Variants in RAB3IL1 observed in about 807,000 individuals in gnomAD.
RAB3IL1 encodes the protein guanine nucleotide exchange factor for Rab-3A.
A neutral mutation model predicts 49.2 loss-of-function variants in RAB3IL1; 37 were observed. That is an observed-to-expected ratio of 0.75 (90% CI 0.58 to 0.99). The LOEUF (loss-of-function observed/expected upper bound fraction) is 0.99, where lower values mean the gene tolerates loss of function less well. Among genes scored for constraint, RAB3IL1 ranks in the 50% least tolerant of loss-of-function variants. The probability of loss-of-function intolerance (pLI) is 0.00; values close to 1 mark genes in which losing one functional copy is unlikely to be tolerated. For synonymous variants in RAB3IL1, 193 were observed against 213.9 expected (o/e 0.90, Z 0.85); for missense variants, 484 against 513.0 (o/e 0.94, Z 0.55).
At chr11:61,911,728 T>G (rs1939461287) in intron 1 of RAB3IL1, among the ~76,000 whole-genome samples, 1 of 151,402 alleles carries the variant, frequency 6.6e-6, no homozygotes, top group South Asian at 2.1e-4. Context: ...AGGGTAGGAG[T>G]CAAGGTCAGA....
At chr11:61,903,185 G>A (rs571735285) in intron 7 of RAB3IL1, among the ~76,000 whole-genome samples, 6 of 151,910 alleles carry the variant, frequency 3.9e-5, no homozygotes, top group East Asian at 1.9e-4. Flanking sequence ...TCATCTGCTC[G>A]GCTCTCTCCT....
At chr11:61,934,450 G>GTGTATGTATGTGTATATA in the RAB3IL1 span, among the ~76,000 whole-genome samples, 2 of 31,614 alleles carry the variant, frequency 6.3e-5, no homozygotes, top group Non-Finnish European at 1.4e-4. Flanking sequence ...GTGTGTGTAT[G>GTGTATGTATGTGTATATA]TATATATATA....
upstream of RAB3IL1, among the ~76,000 whole-genome samples, chr11:61,918,672 G>A (rs188423819): frequency 4.2e-3 from 636 of 152,328 alleles, 2 homozygotes; most frequent in Non-Finnish European, 5.0e-3. Context: ...AGACCTCCAC[G>A]TCCAGGGCAC....
chr11:61,902,480 T>C lies in RAB3IL1; in HGVS notation c.961A>G (p.Lys321Glu). 2 of 1,602,846 alleles carry C rather than the reference T, an allele frequency of 1.2e-6. No homozygotes were observed. Among genetic ancestry groups the C allele is most frequent in the East Asian group, 4.5e-5 (2 of 44,388 alleles). The change falls in exon 8 of 10, where the codon AAA becomes GAA. Residue 321 changes from lysine (K) to glutamate (E), a missense_variant. Lys to Glu is a moderately conservative substitution (Grantham distance 56, BLOSUM62 1). Coordinates refer to ENST00000394836, the MANE Select transcript of RAB3IL1 (RefSeq NM_013401.4). ...GATGGCGAGATGTAGTAATGGCTTT[T>C]GGAGTCCCCGAGCCGGATTCGGTGG... ...CRHRIRLGDS[K>E]SHYYISPSSR...
In RAB3IL1 at chr11:61,902,499, T is replaced by C; in HGVS notation, c.942A>G (p.Arg314=). 6.2e-7 allele frequency: 1 copy of C among 1,605,100 alleles called. No individual in the cohort carries two copies. Among genetic ancestry groups the C allele is most frequent in the Middle Eastern group, 1.7e-4 (1 of 6,052 alleles). The change falls in exon 8 of 10, where the codon CGA becomes CGG. Residue 314 remains arginine (R), a synonymous_variant. Transcript: ENST00000394836. The stretch of plus-strand genomic sequence containing the variant: ...GGCTTTTGGAGTCCCCGAGCCGGAT[T>C]CGGTGGCGGCAGGTGCGGGTCAGCC... The part of the protein sequence containing the change: ...LSGLTRTCRH[R]IRLGDSKSHY...
At position 61,899,382 on chromosome 11, in the gene RAB3IL1, T is replaced by C. The variant is rs146288841; in HGVS notation, c.1000-2A>G. 2 of 1,608,720 alleles carry C rather than the reference T, an allele frequency of 1.2e-6. No individual in the cohort carries two copies. The highest frequency in any genetic ancestry group is 1.7e-6 in the Non-Finnish European group (2 of 1,179,506). On this transcript the variant is annotated splice_acceptor_variant, in intron 8 of 9. Coordinates refer to ENST00000394836, the MANE Select transcript of RAB3IL1 (RefSeq NM_013401.4). LOFTEE classifies it high-confidence loss of function. ...GAAGAAGTTGCACACTGCGGTGATC[T>C]GTGGGCAGAGGTGGGGACGGTGTGA...
At chr11:61,943,705 C>T in the RAB3IL1 span, among the ~76,000 whole-genome samples, 1 of 152,122 alleles carries the variant, frequency 6.6e-6, no homozygotes, top group South Asian at 2.1e-4. Flanking sequence ...CCAATAAGCA[C>T]ATGAGAAGAT....
At chr11:61,905,010 C>G in intron 5 of RAB3IL1, 128 bp from the exon 6 acceptor site, 1 of 703,136 alleles carries the variant, frequency 1.4e-6, no homozygotes, top group Non-Finnish European at 2.4e-6. Flanking sequence ...GGTCGATCCC[C>G]AGCAGCCGTG....
intron 7 of RAB3IL1, among the ~76,000 whole-genome samples, chr11:61,903,200 A>C (rs1591219633): frequency 6.7e-6 from 1 of 150,324 alleles, no homozygotes; most frequent in African/African-American, 2.5e-5. Flanking sequence ...TCTCCTCCTC[A>C]CCCTCTGCTT....
chr11:61,900,897 G>A (rs768803740), intron 8 of RAB3IL1, among the ~76,000 whole-genome samples: 14 of 152,098 alleles, frequency 9.2e-5, no homozygotes, highest in Non-Finnish European at 1.3e-4. Flanking sequence ...CCTGGAAAGC[G>A]GTGATGGAGA....
In RAB3IL1 at chr11:61,904,569, G is replaced by A. The variant is rs943488982; in HGVS notation, c.876C>T (p.Ala292=). The A allele has an allele frequency of 2.6e-5, 42 of 1,612,396 alleles. No homozygotes were observed. The highest frequency in any genetic ancestry group is 2.2e-5 in the Non-Finnish European group (26 of 1,179,454). ...ASQTLPTVKV[A]EVDCSSTNTC... ...ACTTGGTGCTGCTACAGTCAACCTCGGCCACCTTCACTGTGGGCAGCGTCT... is the reference window on the plus strand; with the variant it reads ...ACTTGGTGCTGCTACAGTCAACCTCAGCCACCTTCACTGTGGGCAGCGTCT... The change falls in exon 7 of 10, where the codon GCC becomes GCT. Residue 292 remains alanine, a synonymous_variant. Coordinates refer to ENST00000394836, the MANE Select transcript of RAB3IL1 (RefSeq NM_013401.4).
the RAB3IL1 span, among the ~76,000 whole-genome samples, chr11:61,936,602 A>G: frequency 6.6e-6 from 1 of 152,230 alleles, no homozygotes; most frequent in Non-Finnish European, 1.5e-5. Flanking sequence ...TCGACCTCCC[A>G]AAGTGCTGGG....
chr11:61,903,428 TC>T (rs1939019778), intron 7 of RAB3IL1, among the ~76,000 whole-genome samples: 1 of 152,112 alleles, frequency 6.6e-6, no homozygotes, highest in Non-Finnish European at 1.5e-5. Context: ...TTTAAAAAGC[TC>T]CTTGGCTGCG....
the RAB3IL1 span, among the ~76,000 whole-genome samples, chr11:61,945,146 G>A: frequency 2.0e-5 from 3 of 152,202 alleles, no homozygotes; most frequent in South Asian, 6.2e-4. Flanking sequence ...ACAGATAGGG[G>A]CCAATGTGGC....
chr11:61,944,737 A>C, the RAB3IL1 span, among the ~76,000 whole-genome samples: 1 of 152,188 alleles, frequency 6.6e-6, no homozygotes, highest in Non-Finnish European at 1.5e-5. Context: ...GCTCTTGTCA[A>C]CCAGGCTGGA....
chr11:61,905,986 G>A (rs1157154273), intron 5 of RAB3IL1, among the ~76,000 whole-genome samples: 3 of 152,184 alleles, frequency 2.0e-5, no homozygotes, highest in Non-Finnish European at 2.9e-5. Context: ...CAAAGGCCAC[G>A]CTTGTCTCAG....
chr11:61,920,106 G>A (rs1002249554), upstream of RAB3IL1: 28 of 1,342,442 alleles, frequency 2.1e-5, no homozygotes, highest in Non-Finnish European at 2.6e-5. Context: ...CTGATGGGGC[G>A]TAGCGGACAG....
upstream of RAB3IL1, among the ~76,000 whole-genome samples, chr11:61,921,170 T>A (rs1939897113): frequency 1.3e-5 from 2 of 152,184 alleles, no homozygotes; most frequent in East Asian, 1.9e-4. Flanking sequence ...GGCTAATTTT[T>A]AAATTTTTTT....
rs1487774800 is a variant in RAB3IL1 at position 61,906,227 on chromosome 11, T to C, written c.657+239A>G. On this transcript the variant is annotated intron_variant, in intron 5 of 9. Coordinates refer to ENST00000394836, the MANE Select transcript of RAB3IL1 (RefSeq NM_013401.4). This position sits in a 1 kb window ranked among gnomAD's most constrained non-coding sequence, Gnocchi z 4.6. ...ACCACTACCTACTGCTTGGAGTCAG[T>C]GGGGCAGGGAGGGGGCCTCAGGTCC... Among the ~76,000 whole-genome samples the C allele has an allele frequency of 4.6e-5, 7 of 151,888 alleles. No homozygotes were observed. The highest frequency in any genetic ancestry group is 7.4e-5 in the Non-Finnish European group (5 of 67,934).
Sources: gnomAD v4.1 joint callset for allele counts (sites outside exome capture counted in the v4.1 genomes callset) on GRCh38, gnomAD v4.1.1 for gene constraint, Gnocchi (gnomAD v3.1) non-coding constraint, MANE v1.5 for transcripts, NCBI Gene and HGNC (gene_info 2026-07-23, HGNC 2026-07-21) for gene names.